Variants in SGCD observed in about 807,000 individuals in gnomAD.
The protein encoded by SGCD is sarcoglycan delta.
In SGCD, 18 loss-of-function variants were observed where a neutral mutation model predicts 36.6. The observed-to-expected ratio is 0.49, with a 90% CI of 0.34 to 0.73. The LOEUF is 0.73. Ranked by LOEUF, SGCD falls within the 30% of genes least tolerant of loss-of-function variation. SGCD has a pLI of 0.01. For synonymous variants in SGCD, 133 were observed against 130.6 expected, an observed-to-expected ratio of 1.02 and a Z score of -0.12; for missense variants, 387 against 346.7, an observed-to-expected ratio of 1.12 and a Z score of -0.92.
chr5:156,278,244 G>A (rs972132814), intron 3 of SGCD, among the ~76,000 whole-genome samples: 2 of 152,114 alleles, frequency 1.3e-5, no homozygotes, highest in Admixed American at 1.3e-4. Context: ...GATTCTGGAG[G>A]GTTTTGAACC....
chr5:156,617,016 CTG>C (rs1473950348), intron 6 of SGCD, among the ~76,000 whole-genome samples: 1 of 152,194 alleles, frequency 6.6e-6, no homozygotes, highest in African/African-American at 2.4e-5. Context: ...CTCCATTCTG[CTG>C]TATTCTTCTT....
intron 3 of SGCD, among the ~76,000 whole-genome samples, chr5:156,489,441 A>G (rs1755843172): frequency 6.6e-6 from 1 of 152,104 alleles, no homozygotes; most frequent in Non-Finnish European, 1.5e-5. Context: ...TCAACTATAC[A>G]TAGAACATTA....
At chr5:156,150,360 C>T (rs1291182883) in intron 3 of SGCD, among the ~76,000 whole-genome samples, 2 of 151,602 alleles carry the variant, frequency 1.3e-5, no homozygotes, top group African/African-American at 4.9e-5. Context: ...CATTAACCCC[C>T]TACACTAGTC....
At chr5:156,351,254 T>G (rs759040635) in intron 3 of SGCD, among the ~76,000 whole-genome samples, 5 of 152,142 alleles carry the variant, frequency 3.3e-5, no homozygotes, top group Non-Finnish European at 7.4e-5. Flanking sequence ...TATCTACCCA[T>G]AGGTTGGTGG....
the SGCD span, among the ~76,000 whole-genome samples, chr5:155,729,812 T>A: frequency 6.6e-6 from 1 of 152,210 alleles, no homozygotes; most frequent in African/African-American, 2.4e-5. Context: ...AGCGGCCTCA[T>A]TGTGTGCCCG....
chr5:156,394,124 C>G lies in SGCD; in HGVS notation c.192+49447C>G, dbSNP rs73812227. On this transcript the variant is annotated intron_variant, in intron 3 of 8. Transcript: ENST00000337851. ...GAACTGAGCAGAATGTATTGGCACA[C>G]AGTAGGTGGAGGATAACCTTGGCAA... Among the ~76,000 whole-genome samples, 1,503 of 152,186 alleles carry G rather than the reference C, an allele frequency of 9.9e-3. 32 individuals are homozygous for G. Among genetic ancestry groups the G allele is most frequent in the African/African-American group, 0.035 (1,434 of 41,504 alleles).
intron 1 of SGCD, among the ~76,000 whole-genome samples, chr5:155,942,182 T>C (rs1250471969): frequency 6.6e-6 from 1 of 152,164 alleles, no homozygotes. Context: ...TAATGGAGAC[T>C]GGACAAAAGC....
At chr5:155,883,402 G>C (rs1755930623) in intron 1 of SGCD, among the ~76,000 whole-genome samples, 1 of 152,086 alleles carries the variant, frequency 6.6e-6, no homozygotes, top group South Asian at 2.1e-4. Flanking sequence ...TCTGGCTTTT[G>C]ATTTAATGTA....
rs930253203 is a variant in SGCD, at chr5:156,132,629, C to T, written c.-44+8610C>T. Among the ~76,000 whole-genome samples, 26 of 151,260 alleles carry T rather than the reference C, an allele frequency of 1.7e-4. 1 individual carries two copies. The highest frequency in any genetic ancestry group is 1.3e-3 in the South Asian group (6 of 4,772). On this transcript the variant is annotated intron_variant, in intron 3 of 9. Transcript: ENST00000517913. The stretch of plus-strand genomic sequence containing the variant: ...GATTACAGGCGCCCACCACCACGCC[C>T]GGCTAATTTTTTGTATTTTTAGTAG...
intron 1 of SGCD, among the ~76,000 whole-genome samples, chr5:155,940,314 C>T (rs1031485110): frequency 2.0e-5 from 3 of 152,108 alleles, no homozygotes; most frequent in African/African-American, 7.2e-5. Flanking sequence ...GCTTTTCCAG[C>T]TCTGTTTCTT....
chr5:156,249,710 G>A (rs1344612177), intron 3 of SGCD, among the ~76,000 whole-genome samples: 2 of 128,436 alleles, frequency 1.6e-5, no homozygotes, highest in African/African-American at 5.8e-5. Context: ...ACTTCATAAG[G>A]TTATTGTAAA....
At chr5:156,029,032 G>GTT (rs36093815) in intron 1 of SGCD, among the ~76,000 whole-genome samples, 2 of 150,752 alleles carry the variant, frequency 1.3e-5, no homozygotes, top group African/African-American at 2.4e-5. Context: ...AGGCTTTTAT[G>GTT]TTTTTTTTTA....
chr5:156,518,984 A>G (rs1250912691), intron 4 of SGCD, among the ~76,000 whole-genome samples: 2 of 152,142 alleles, frequency 1.3e-5, no homozygotes, highest in Admixed American at 6.5e-5. Context: ...CTAGCAGACA[A>G]GAAGTTACCA....
intron 1 of SGCD, among the ~76,000 whole-genome samples, chr5:155,975,873 G>A (rs1468626647): frequency 6.6e-6 from 1 of 151,532 alleles, no homozygotes; most frequent in Non-Finnish European, 1.5e-5. Flanking sequence ...CAGGTGATCT[G>A]CCCACCTCAG....
At chr5:155,852,214 A>G in the SGCD span, among the ~76,000 whole-genome samples, 6 of 152,176 alleles carry the variant, frequency 3.9e-5, no homozygotes, top group African/African-American at 1.4e-4. Context: ...ATCACTTTCC[A>G]AGGTGCCTTT....
At chr5:156,409,564 C>A (rs981882486) in intron 3 of SGCD, among the ~76,000 whole-genome samples, 2 of 152,200 alleles carry the variant, frequency 1.3e-5, no homozygotes, top group Admixed American at 1.3e-4. Context: ...TCCCTTCTCT[C>A]GTTCTTACAT....
At chr5:155,779,316 T>A in the SGCD span, among the ~76,000 whole-genome samples, 1 of 152,054 alleles carries the variant, frequency 6.6e-6, no homozygotes, top group African/African-American at 2.4e-5. Context: ...TGCATTCCTG[T>A]GCTCCCATCT....
chr5:155,741,932 G>T, the SGCD span, among the ~76,000 whole-genome samples: 1 of 151,998 alleles, frequency 6.6e-6, no homozygotes, highest in Non-Finnish European at 1.5e-5. Flanking sequence ...AAATCCACCT[G>T]CCTTGGCCTC....
intron 1 of SGCD, among the ~76,000 whole-genome samples, chr5:155,922,060 T>C (rs562710379): frequency 1.3e-5 from 2 of 152,326 alleles, no homozygotes; most frequent in East Asian, 3.9e-4. Flanking sequence ...TTTTTTGAAG[T>C]AATTTTTCTT....
Sources: allele counts gnomAD v4.1 joint callset (sites outside exome capture counted in the v4.1 genomes callset), GRCh38; gene constraint gnomAD v4.1.1; transcripts MANE v1.5; gene names NCBI Gene and HGNC (gene_info 2026-07-23, HGNC 2026-07-21).